LRRC14: variants seen among roughly 807,000 people sequenced by gnomAD.
LRRC14 encodes the protein leucine rich repeat containing 14, also known as leucine-rich repeat-containing protein 14.
A neutral mutation model predicts 25.3 loss-of-function variants in LRRC14; 16 were observed. The observed-to-expected ratio is 0.63, with a 90% CI of 0.43 to 0.96. The LOEUF is 0.96. LRRC14 is among the 40% of genes least tolerant of loss of function. LRRC14 has a pLI of 0.00. For synonymous variants in LRRC14, 359 were observed against 295.1 expected (o/e 1.22, Z -2.22); for missense variants, 594 against 660.5 (o/e 0.90, Z 1.10).
rs1815850875 is a variant in LRRC14 at position 144,519,719 on chromosome 8, C to T, written c.-7C>T. On this transcript the variant is annotated 5_prime_UTR_variant, in exon 2 of 4. It introduces an in-frame stop codon into an upstream open reading frame of the 5' UTR. Transcript: ENST00000292524. ...CCTGCAGGTGGCCGTCTGCCCGGCC[C>T]AGCACCATGCACACGCTTGTGTTCT... 3.7e-6 allele frequency: 6 copies of T among 1,606,750 alleles called. No individual in the cohort carries two copies. The highest frequency in any genetic ancestry group is 3.4e-5 in the Admixed American group (2 of 58,934).
chr8:144,520,711 A>T lies in LRRC14; in HGVS notation c.803A>T (p.Asp268Val). 6.3e-7 allele frequency: 1 copy of T among 1,599,554 alleles called. No individual in the cohort carries two copies. The highest frequency in any genetic ancestry group is 1.1e-5 in the South Asian group (1 of 91,088). ...VHGDSRQPSV[D>V]GEDNFRYFLA... Reference sequence around the variant, plus strand: ...GGGGATTCAAGGCAGCCCTCCGTGGATGGCGAGGACAACTTCCGCTACTTC... The same window carrying T: ...GGGGATTCAAGGCAGCCCTCCGTGGTTGGCGAGGACAACTTCCGCTACTTC... Residue 268 changes from aspartate (D) to valine (V), a missense_variant, in exon 3 of 4, where the codon GAT becomes GTT. Transcript: ENST00000292524.
Position 144,522,478 on chromosome 8 carries a change from G to T in LRRC14, c.*1000G>T, listed in dbSNP as rs1816139124. 1 of 1,480,776 alleles carries T rather than the reference G, an allele frequency of 6.8e-7. No homozygotes were observed. Among genetic ancestry groups the T allele is most frequent in the Non-Finnish European group, 8.9e-7 (1 of 1,123,750 alleles). The allele number at this position is 1,480,776 out of a possible 1,614,324, so 91.7% of individuals were successfully genotyped here. ...CGTCATCCGCGCGCCCGCGGCCCTA[G>T]CAGTGGATCTCGTAGGCGACCGGCG... On this transcript the variant is annotated 3_prime_UTR_variant, in exon 4 of 4. Transcript: ENST00000292524.
In LRRC14 at chr8:144,523,717, G is replaced by A. The variant is rs146656470; in HGVS notation, c.*2239G>A. The A allele has an allele frequency of 7.3e-3, 3,005 of 411,694 alleles. 18 individuals carry two copies. The highest frequency in any genetic ancestry group is 9.6e-3 in the Non-Finnish European group (2,234 of 233,452). The allele number at this position is 411,694 out of a possible 1,614,324, so 25.5% of individuals were successfully genotyped here. A position where few individuals can be genotyped will look rare whatever the true frequency, so the allele number is the denominator to read the frequency against. ...AGTGCCACTGTTTTTAGGAACCTGG[G>A]CGTCCACATAGACATCTCACCAGCA... On this transcript the variant is annotated 3_prime_UTR_variant, in exon 4 of 4. Coordinates refer to ENST00000292524, the MANE Select transcript of LRRC14 (RefSeq NM_014665.4).
Position 144,522,361 on chromosome 8 carries a change from G to C in LRRC14, c.*883G>C. 1 of 1,316,104 alleles carries C rather than the reference G, an allele frequency of 7.6e-7. No individual in the cohort carries two copies. The highest frequency in any genetic ancestry group is 9.7e-7 in the Non-Finnish European group (1 of 1,033,296). The allele number at this position is 1,316,104 out of a possible 1,614,324, so 81.5% of individuals were successfully genotyped here. ...TTCCCGAGTGCAACGTTCCCGGCTCGCGCCCCACACACGGCTCAGCGCACA... is the reference window on the plus strand; with the variant it reads ...TTCCCGAGTGCAACGTTCCCGGCTCCCGCCCCACACACGGCTCAGCGCACA... On this transcript the variant is annotated 3_prime_UTR_variant, in exon 4 of 4. Transcript: ENST00000292524.
rs1280562456 is a variant in LRRC14 at position 144,523,232 on chromosome 8, A to G, written c.*1754A>G. The G allele has an allele frequency of 8.7e-6, 14 of 1,610,058 alleles. No homozygotes were observed. In the South Asian group the frequency reaches 1.4e-4, roughly 16 times the overall value. ...TGTGAGCTCCAGCGGCTGCACGTGG[A>G]CAGAGGGCGGAATGCAGATGAGGCT... On this transcript the variant is annotated 3_prime_UTR_variant, in exon 4 of 4. Coordinates refer to ENST00000292524, the MANE Select transcript of LRRC14 (RefSeq NM_014665.4).
At position 144,522,763 on chromosome 8, in the gene LRRC14, C is replaced by CG; in HGVS notation, c.*1286dup. 1 of 1,574,296 alleles carries CG rather than the reference C, an allele frequency of 6.4e-7. No homozygotes were observed. Among genetic ancestry groups the CG allele is most frequent in the Non-Finnish European group, 8.6e-7 (1 of 1,163,134 alleles). On this transcript the variant is annotated 3_prime_UTR_variant, in exon 4 of 4. Coordinates refer to ENST00000292524, the MANE Select transcript of LRRC14 (RefSeq NM_014665.4). Reference sequence around the variant, plus strand: ...GACAGATCATGGCGACCAGGAGCAGCGCCGTGAGCGCCAGCAGCGCGATGG... The same window carrying CG: ...GACAGATCATGGCGACCAGGAGCAGCGGCCGTGAGCGCCAGCAGCGCGATGG...
In LRRC14 at chr8:144,519,895, C is replaced by G. The variant is rs369321285; in HGVS notation, c.170C>G (p.Pro57Arg). ...LRELVHTWPFPLLSFQQLLQE... is the reference protein window; with the variant it reads ...LRELVHTWPFRLLSFQQLLQE... ...GAGTTGGTACACACGTGGCCCTTCC[C>G]GCTGCTCAGTTTCCAGCAGCTGCTA... is the stretch of plus-strand genomic sequence containing the variant. Residue 57 changes from proline (P) to arginine (R), a missense_variant, in exon 2 of 4, where the codon CCG (proline) becomes CGG (arginine). Pro to Arg is a moderately radical substitution (Grantham distance 103, BLOSUM62 -2). Coordinates refer to ENST00000292524, the MANE Select transcript of LRRC14 (RefSeq NM_014665.4). 9.3e-6 allele frequency: 15 copies of G among 1,613,340 alleles called. No homozygotes were observed. The highest frequency in any genetic ancestry group is 1.3e-5 in the Non-Finnish European group (15 of 1,180,044).
rs149526587 is a variant in LRRC14, at chr8:144,520,412, C to T, written c.504C>T (p.Arg168=). ...CAGCCCCCATCCCCGTGGAGGTGCGCGTGGACCTGCGGGTGAACCGGGCCT... is the reference window on the plus strand; with the variant it reads ...CAGCCCCCATCCCCGTGGAGGTGCGTGTGGACCTGCGGGTGAACCGGGCCT... ...PGPAPIPVEV[R]VDLRVNRASY... Residue 168 remains arginine (R), a synonymous_variant, in exon 3 of 4, where the codon CGC becomes CGT. Transcript: ENST00000292524. The T allele has an allele frequency of 1.7e-4, 279 of 1,603,348 alleles. 1 individual carries two copies. Among genetic ancestry groups the T allele is most frequent in the Non-Finnish European group, 2.2e-4 (255 of 1,176,320 alleles).
At chr8:144,519,426 C>G in intron 1 of LRRC14, 189 bp from the exon 2 acceptor site, 1 of 506,488 alleles carries the variant, frequency 2.0e-6, no homozygotes, top group South Asian at 2.4e-5. Flanking sequence ...AAAGCATACC[C>G]AAGCAAGCGA....
chr8:144,520,080 A>G, intron 2 of LRRC14, 26 bp downstream of exon 2: 1 of 1,588,180 alleles, frequency 6.3e-7, no homozygotes, highest in Non-Finnish European at 8.6e-7. Flanking sequence ...GAGGGTCGTC[A>G]GGCCAGGGGT....
Position 144,525,087 on chromosome 8 carries a change from G to A in LRRC14, c.*3609G>A, listed in dbSNP as rs1330627285. On this transcript the variant is annotated 3_prime_UTR_variant, in exon 4 of 4. Coordinates refer to ENST00000292524, the MANE Select transcript of LRRC14 (RefSeq NM_014665.4). The stretch of plus-strand genomic sequence containing the variant: ...GGCAGTCGAGAGCCAGCCAATAGAT[G>A]GAATGGAGGCCTGCACCTGCGTCTA... 16 of 1,196,836 alleles carry A rather than the reference G, an allele frequency of 1.3e-5. No homozygotes were observed. Among genetic ancestry groups the A allele is most frequent in the Non-Finnish European group, 1.2e-5 (11 of 923,478 alleles). 74.1% of individuals were successfully genotyped at this position (1,196,836 alleles called of 1,614,324 possible). A position where few individuals can be genotyped will look rare whatever the true frequency, so the allele number is the denominator to read the frequency against.
rs1441867221 is a variant in LRRC14, at chr8:144,524,886, T to C, written c.*3408T>C. On this transcript the variant is annotated 3_prime_UTR_variant, in exon 4 of 4. Transcript: ENST00000292524. ...GGCGCCACACTCCACCGTGGCGCTG[T>C]AGCAGCGGCAGGCTGCTGGGCAGCC... 6.6e-7 allele frequency: 1 copy of C among 1,515,008 alleles called. No homozygotes were observed. The highest frequency in any genetic ancestry group is 1.2e-5 in the South Asian group (1 of 82,826). The allele number at this position is 1,515,008 out of a possible 1,614,324, so 93.8% of individuals were successfully genotyped here.
chr8:144,522,557 G>C lies in LRRC14; in HGVS notation c.*1079G>C. On this transcript the variant is annotated 3_prime_UTR_variant, in exon 4 of 4. Transcript: ENST00000292524. Reference sequence around the variant, plus strand: ...CTGTTCCGGGCCGCAGTCAGCGGGCGCCTCCGCCGGACCCTCGGCGAAGAG... The same window carrying C: ...CTGTTCCGGGCCGCAGTCAGCGGGCCCCTCCGCCGGACCCTCGGCGAAGAG... 1.6e-5 allele frequency: 24 copies of C among 1,538,904 alleles called. No individual in the cohort carries two copies. The highest frequency in any genetic ancestry group is 1.8e-5 in the Non-Finnish European group (21 of 1,145,452).
Position 144,523,983 on chromosome 8 carries a change from G to A in LRRC14, c.*2505G>A, listed in dbSNP as rs1816240517. On this transcript the variant is annotated 3_prime_UTR_variant, in exon 4 of 4. Coordinates refer to ENST00000292524, the MANE Select transcript of LRRC14 (RefSeq NM_014665.4). ...ACTCCCGCAGCCCTCCAGTGTGGCT[G>A]CAGGCGGTGGTGCAGCCTTCCAGAC... The A allele has an allele frequency of 4.5e-6, 5 of 1,110,080 alleles. No homozygotes were observed. Among genetic ancestry groups the A allele is most frequent in the South Asian group, 3.0e-5 (2 of 65,854 alleles). The allele number at this position is 1,110,080 out of a possible 1,614,324, so 68.8% of individuals were successfully genotyped here. A position where few individuals can be genotyped will look rare whatever the true frequency, so the allele number is the denominator to read the frequency against.
chr8:144,525,098 C>T lies in LRRC14; in HGVS notation c.*3620C>T, dbSNP rs1816314421. On this transcript the variant is annotated 3_prime_UTR_variant, in exon 4 of 4. Transcript: ENST00000292524. ...GCCAGCCAATAGATGGAATGGAGGC[C>T]TGCACCTGCGTCTAACTTTTGACGC... 2.7e-6 allele frequency: 3 copies of T among 1,097,614 alleles called. No homozygotes were observed. Among genetic ancestry groups the T allele is most frequent in the Admixed American group, 3.8e-5 (1 of 26,278 alleles). 68.0% of individuals were successfully genotyped at this position (1,097,614 alleles called of 1,614,324 possible).
Position 144,523,847 on chromosome 8 carries a change from C to T in LRRC14, c.*2369C>T, listed in dbSNP as rs916694349. The T allele has an allele frequency of 6.1e-6, 3 of 492,742 alleles. No homozygotes were observed. The highest frequency in any genetic ancestry group is 5.9e-5 in the African/African-American group (3 of 51,194). 30.5% of individuals were successfully genotyped at this position (492,742 alleles called of 1,614,324 possible). A position where few individuals can be genotyped will look rare whatever the true frequency, so the allele number is the denominator to read the frequency against. On this transcript the variant is annotated 3_prime_UTR_variant, in exon 4 of 4. Transcript: ENST00000292524. ...TCTCCTTTGCAATTTTGTCTGCCTCCCCTCAGCCTAAAAGTGTGCAGAACC... is the reference window on the plus strand; with the variant it reads ...TCTCCTTTGCAATTTTGTCTGCCTCTCCTCAGCCTAAAAGTGTGCAGAACC...
rs1306052619 is a variant in LRRC14 at position 144,524,705 on chromosome 8, C to T, written c.*3227C>T. The T allele has an allele frequency of 1.0e-5, 15 of 1,460,180 alleles. No homozygotes were observed. The East Asian group carries it at 1.3e-4, about 13-fold the overall frequency. The allele number at this position is 1,460,180 out of a possible 1,614,324, so 90.5% of individuals were successfully genotyped here. ...GCTCTAGGCGGGCGATGTTGTTGTC[C>T]TGCAGGAACAGTGTCTGCAGGCCGG... On this transcript the variant is annotated 3_prime_UTR_variant, in exon 4 of 4. Coordinates refer to ENST00000292524, the MANE Select transcript of LRRC14 (RefSeq NM_014665.4).
chr8:144,519,715 G>A lies in LRRC14; in HGVS notation c.-11G>A, dbSNP rs773073755. On this transcript the variant is annotated 5_prime_UTR_variant, in exon 2 of 4. Transcript: ENST00000292524. ...CTCTCCTGCAGGTGGCCGTCTGCCC[G>A]GCCCAGCACCATGCACACGCTTGTG... The A allele has an allele frequency of 6.9e-6, 11 of 1,599,338 alleles. No individual in the cohort carries two copies. Among genetic ancestry groups the A allele is most frequent in the African/African-American group, 1.3e-5 (1 of 74,810 alleles).
rs771612899 is a variant in LRRC14, at chr8:144,522,844, C to G, written c.*1366C>G. ...CCAGGGCGCGGAAGGCCATGCTGCC[C>G]GCCTCGGGCCGGGGCTCGCTGCCGG... On this transcript the variant is annotated 3_prime_UTR_variant, in exon 4 of 4. Transcript: ENST00000292524. 7.4e-7 allele frequency: 1 copy of G among 1,346,396 alleles called. No homozygotes were observed. The highest frequency in any genetic ancestry group is 9.5e-7 in the Non-Finnish European group (1 of 1,053,264). The allele number at this position is 1,346,396 out of a possible 1,614,324, so 83.4% of individuals were successfully genotyped here. A position where few individuals can be genotyped will look rare whatever the true frequency, so the allele number is the denominator to read the frequency against.
Sources: allele counts gnomAD v4.1 joint callset, GRCh38; gene constraint gnomAD v4.1.1; transcripts MANE v1.5; gene names NCBI Gene and HGNC (gene_info 2026-07-23, HGNC 2026-07-21).